The following LRRC69 variants were observed in gnomAD, a reference collection of about 807,000 sequenced individuals.
LRRC69 encodes leucine-rich repeat-containing protein 69.
In LRRC69, 42 loss-of-function variants were observed where a neutral mutation model predicts 37.8. The ratio of observed to expected loss-of-function variants is 1.11; its 90% CI spans 0.87 to 1.44. The LOEUF (loss-of-function observed/expected upper bound fraction) is 1.44, where lower values mean the gene tolerates loss of function less well. LRRC69 is among the 40% of genes most tolerant of loss of function. The pLI, the probability that LRRC69 is intolerant of heterozygous loss-of-function variation, is 0.00. For synonymous variants in LRRC69, 141 were observed against 143.1 expected, an observed-to-expected ratio of 0.99 and a Z score of 0.11; for missense variants, 357 against 401.9, an observed-to-expected ratio of 0.89 and a Z score of 0.96.
At chr8:91,177,749 G>A (rs1809257065) in intron 5 of LRRC69, among the ~76,000 whole-genome samples, 3 of 151,988 alleles carry the variant, frequency 2.0e-5, no homozygotes, top group Admixed American at 2.0e-4. Flanking sequence ...TCTAGCAGTA[G>A]AATTGTAGGG....
intron 5 of LRRC69, among the ~76,000 whole-genome samples, chr8:91,169,791 G>T (rs1405201338): frequency 7.2e-6 from 1 of 138,174 alleles, no homozygotes; most frequent in African/African-American, 2.8e-5. Context: ...TTTTGTTCTT[G>T]CGATAGTTTA....
intron 5 of LRRC69, among the ~76,000 whole-genome samples, chr8:91,146,622 T>G (rs1808624401): frequency 6.6e-6 from 1 of 151,718 alleles, no homozygotes; most frequent in South Asian, 2.1e-4. Context: ...ATAACAGTGC[T>G]TGGCACAGAG....
intron 6 of LRRC69, among the ~76,000 whole-genome samples, chr8:91,200,372 T>C (rs1030968402): frequency 1.3e-5 from 2 of 152,242 alleles, no homozygotes; most frequent in African/African-American, 4.8e-5. Flanking sequence ...CTTGGATTCC[T>C]ATATGTAAGA....
chr8:91,133,237 G>A, exon 4 of LRRC69: 1 of 1,528,152 alleles, frequency 6.5e-7, no homozygotes, highest in Non-Finnish European at 8.8e-7. Context: ...CATACCTGAA[G>A]AGATTAAATT....
In LRRC69 at chr8:91,117,230, G is replaced by A. The variant is rs1813526058; in HGVS notation, c.184-7263G>A. 2.0e-5 allele frequency among the ~76,000 whole-genome samples: 3 copies of A among 152,138 alleles called. No individual in the cohort carries two copies. In the South Asian group the frequency reaches 6.2e-4, roughly 32 times the overall value. ...ATACAATCTAGTAGGATTGAATAAA[G>A]GGAATTTAAGTCACAATACATCCAT... is the stretch of plus-strand genomic sequence containing the variant. On this transcript the variant is annotated intron_variant, in intron 1 of 7. Transcript: ENST00000448384.
At chr8:91,168,474 T>G (rs1270736318) in intron 5 of LRRC69, among the ~76,000 whole-genome samples, 1 of 151,900 alleles carries the variant, frequency 6.6e-6, no homozygotes, top group Non-Finnish European at 1.5e-5. Flanking sequence ...CCAGGAAAGC[T>G]TTTGTTTTTC....
intron 5 of LRRC69, among the ~76,000 whole-genome samples, chr8:91,146,767 A>C (rs1360160200): frequency 6.6e-6 from 1 of 151,866 alleles, no homozygotes. Flanking sequence ...ACAATTAATA[A>C]TAAAGTTGTT....
At chr8:91,197,127 G>A (rs1320203625) in intron 6 of LRRC69, among the ~76,000 whole-genome samples, 1 of 152,100 alleles carries the variant, frequency 6.6e-6, no homozygotes, top group Non-Finnish European at 1.5e-5. Flanking sequence ...TGCCCCTGCT[G>A]GGGGGTGCCT....
intron 1 of LRRC69, among the ~76,000 whole-genome samples, chr8:91,114,566 T>C (rs552338449): frequency 6.6e-6 from 1 of 152,198 alleles, no homozygotes; most frequent in Admixed American, 6.5e-5. Context: ...GTATTCTTAC[T>C]GTACCTTTTC....
rs1808592300 is a variant in LRRC69 at position 91,144,977 on chromosome 8, TACAG to T, written c.651+9242_651+9245del. On this transcript the variant is annotated intron_variant, in intron 5 of 7. Transcript: ENST00000448384. ...GAGCAGTAACACAAATATGTGCACA[TACAG>T]ACAAGCATTCCTAGGGAGACCATTT... Among the ~76,000 whole-genome samples the T allele has an allele frequency of 2.6e-5, 4 of 152,116 alleles. No individual in the cohort carries two copies. In the South Asian group the frequency reaches 8.3e-4, roughly 31 times the overall value.
intron 5 of LRRC69, among the ~76,000 whole-genome samples, chr8:91,182,472 T>A (rs1018515064): frequency 1.3e-5 from 2 of 152,216 alleles, no homozygotes; most frequent in African/African-American, 4.8e-5. Flanking sequence ...AACTGTTGAC[T>A]ACGTACTGTG....
intron 6 of LRRC69, among the ~76,000 whole-genome samples, chr8:91,197,202 C>G (rs2130622871): frequency 6.6e-6 from 1 of 152,312 alleles, no homozygotes; most frequent in African/African-American, 2.4e-5. Context: ...CGCCCATTCT[C>G]AGATCTCCAG....
At chr8:91,186,295 C>G (rs1024881059) in intron 5 of LRRC69, among the ~76,000 whole-genome samples, 2 of 152,128 alleles carry the variant, frequency 1.3e-5, no homozygotes, top group Non-Finnish European at 2.9e-5. Flanking sequence ...CAATGATTGT[C>G]TCAGAGTATT....
intron 5 of LRRC69, chr8:91,158,898 G>A: frequency 1.7e-6 from 1 of 596,592 alleles, no homozygotes; most frequent in South Asian, 2.1e-5. Flanking sequence ...TGCATTTGTG[G>A]GGGAAAACTA....
chr8:91,118,136 A>G (rs1034949110), intron 1 of LRRC69: 2 of 455,360 alleles, frequency 4.4e-6, no homozygotes, highest in Non-Finnish European at 8.8e-6. Flanking sequence ...AGTGCTACCC[A>G]TTACTGGGTG....
intron 7 of LRRC69, among the ~76,000 whole-genome samples, chr8:91,205,807 C>T (rs910750293): frequency 6.6e-6 from 1 of 152,110 alleles, no homozygotes; most frequent in Non-Finnish European, 1.5e-5. Context: ...TCATTCTCAT[C>T]TCAGTTACAT....
At chr8:91,162,380 G>A (rs550120061) in intron 5 of LRRC69, among the ~76,000 whole-genome samples, 6 of 151,408 alleles carry the variant, frequency 4.0e-5, no homozygotes, top group African/African-American at 9.6e-5. Context: ...TTGTACTAGG[G>A]TCTATCTCTC....
chr8:91,151,128 C>T (rs1808729586), intron 5 of LRRC69, among the ~76,000 whole-genome samples: 5 of 151,918 alleles, frequency 3.3e-5, no homozygotes, highest in Admixed American at 3.3e-4. Flanking sequence ...CTTCTGCTAG[C>T]TTTTGAATGT....
chr8:91,157,571 T>C lies in LRRC69; in HGVS notation c.651+21832T>C, dbSNP rs184817131. 25 of 1,533,852 alleles carry C rather than the reference T, an allele frequency of 1.6e-5. 1 individual carries two copies. In the Admixed American group the frequency reaches 4.3e-4, roughly 27 times the overall value. ...GAGGGTTTACTCCTGGAAGATAATA[T>C]CAGAATGTTTACAACTGCACCTGAT... On this transcript the variant is annotated intron_variant, in intron 5 of 7. Transcript: ENST00000448384.
Sources: gnomAD v4.1 joint callset for allele counts (sites outside exome capture counted in the v4.1 genomes callset) on GRCh38, gnomAD v4.1.1 for gene constraint, MANE v1.5 for transcripts, NCBI Gene and HGNC (gene_info 2026-07-23, HGNC 2026-07-21) for gene names.